Variants in ARMH3 observed in about 807,000 individuals in gnomAD.
ARMH3 encodes armadillo-like helical domain-containing protein 3.
Under a neutral mutation model 99.1 loss-of-function variants are expected in ARMH3, and 60 were observed. The ratio of observed to expected loss-of-function variants is 0.61; its 90% confidence interval spans 0.49 to 0.75. The LOEUF (loss-of-function observed/expected upper bound fraction) is 0.75. Ranked by LOEUF, ARMH3 falls within the 30% of genes least tolerant of loss-of-function variation. ARMH3 has a pLI of 0.00. For synonymous variants in ARMH3, 285 were observed against 292.8 expected (o/e 0.97, Z 0.27); for missense variants, 679 against 843.1 (o/e 0.81, Z 2.41).
At chr10:101,944,524 C>T (rs903370266) in intron 22 of ARMH3, among the ~76,000 whole-genome samples, 4 of 151,760 alleles carry the variant, frequency 2.6e-5, no homozygotes, top group African/African-American at 9.7e-5. Flanking sequence ...ATATTAAAAG[C>T]ATTCAGAGGC....
At chr10:101,990,426 C>T in intron 19 of ARMH3, 125 bp downstream of exon 19, 1 of 639,638 alleles carries the variant, frequency 1.6e-6, no homozygotes, top group East Asian at 2.8e-5. Context: ...CCGCCTCGGC[C>T]TCCCAAGGTG....
chr10:102,039,476 A>G (rs1467814765), intron 2 of ARMH3, among the ~76,000 whole-genome samples: 1 of 152,204 alleles, frequency 6.6e-6, no homozygotes, highest in Non-Finnish European at 1.5e-5. Flanking sequence ...ATAGGCTTGG[A>G]CCAATCAGTT....
At chr10:102,003,143 C>T (rs2066405605) in intron 14 of ARMH3, among the ~76,000 whole-genome samples, 2 of 151,780 alleles carry the variant, frequency 1.3e-5, no homozygotes, top group Admixed American at 1.3e-4. Flanking sequence ...CTCTAATGAC[C>T]AGGGCTGACC....
intron 1 of ARMH3, among the ~76,000 whole-genome samples, chr10:102,041,099 A>ATATATATATATATAT (rs1564878621): frequency 6.8e-6 from 1 of 146,072 alleles, no homozygotes. Context: ...TAATATATAT[A>ATATATATATATATAT]TATATATATA....
chr10:101,980,171 A>G (rs1846164819), intron 19 of ARMH3, among the ~76,000 whole-genome samples: 1 of 152,220 alleles, frequency 6.6e-6, no homozygotes, highest in South Asian at 2.1e-4. Context: ...TCTTGACTGT[A>G]TACCAACTGA....
Position 101,907,266 on chromosome 10 carries a change from GA to G in ARMH3, c.1782-17777del, listed in dbSNP as rs147550463. Among the ~76,000 whole-genome samples, 1,431 of 152,176 alleles carry G rather than the reference GA, an allele frequency of 9.4e-3. 18 individuals are homozygous for G. The highest frequency in any genetic ancestry group is 0.033 in the African/African-American group (1,357 of 41,520). Reference sequence around the variant, plus strand: ...ATGGAAAGGTATTTTTTAAGCAAAAGAAAAGTATTTACTGAGAAGTTATAGT... The same window carrying G: ...ATGGAAAGGTATTTTTTAAGCAAAAGAAAGTATTTACTGAGAAGTTATAGT... On this transcript the variant is annotated intron_variant, in intron 23 of 25. Transcript: ENST00000370033.
intron 24 of ARMH3, among the ~76,000 whole-genome samples, chr10:101,868,231 A>G (rs1037792880): frequency 1.2e-4 from 19 of 152,228 alleles, no homozygotes; most frequent in African/African-American, 4.1e-4. Flanking sequence ...AGTGCCAGAC[A>G]ATAGGAAGAA....
At chr10:101,917,371 T>G (rs1057137898) in intron 23 of ARMH3, among the ~76,000 whole-genome samples, 2 of 152,246 alleles carry the variant, frequency 1.3e-5, no homozygotes, top group African/African-American at 4.8e-5. Context: ...CTTTTGGATC[T>G]GGATAGTTTC....
intron 20 of ARMH3, among the ~76,000 whole-genome samples, chr10:101,970,471 T>G (rs1006091100): frequency 6.6e-6 from 1 of 152,196 alleles, no homozygotes; most frequent in Non-Finnish European, 1.5e-5. Context: ...AATGAAAATC[T>G]TACATATCCA....
intron 10 of ARMH3, among the ~76,000 whole-genome samples, chr10:102,012,114 C>T (rs188063037): frequency 2.2e-4 from 34 of 152,270 alleles, no homozygotes; most frequent in African/African-American, 7.9e-4. Context: ...TTTAGGGCTA[C>T]AACACTGAAA....
intron 19 of ARMH3, among the ~76,000 whole-genome samples, chr10:101,985,454 C>T (rs533977324): frequency 6.6e-6 from 1 of 151,880 alleles, no homozygotes; most frequent in South Asian, 2.1e-4. Flanking sequence ...TGGTTCATGC[C>T]TGTAAATCCC....
At position 102,018,892 on chromosome 10, in the gene ARMH3, G is replaced by A. The variant is rs374494664; in HGVS notation, c.669+4585C>T. 1.4e-4 allele frequency among the ~76,000 whole-genome samples: 21 copies of A among 152,236 alleles called. No individual in the cohort carries two copies. In the East Asian group the frequency reaches 2.7e-3, roughly 20 times the overall value. On this transcript the variant is annotated intron_variant, in intron 8 of 25. Coordinates refer to ENST00000370033, the MANE Select transcript of ARMH3 (RefSeq NM_024541.3). ...GGATCATTAGAGCCCGGGAAACAGA[G>A]GTTGCAGTGAGCCAAGATCATGCCA...
chr10:101,880,090 A>G (rs887383604), intron 24 of ARMH3, among the ~76,000 whole-genome samples: 2 of 152,254 alleles, frequency 1.3e-5, no homozygotes, highest in Non-Finnish European at 2.9e-5. Context: ...TCACATGCTC[A>G]CACTCGAGAA....
intron 2 of ARMH3, among the ~76,000 whole-genome samples, chr10:102,038,228 G>A (rs1169117782): frequency 6.6e-6 from 1 of 150,998 alleles, no homozygotes; most frequent in African/African-American, 2.4e-5. Flanking sequence ...CCAAGTAGCT[G>A]GGACTACAGG....
chr10:101,983,997 A>G (rs1242940019), intron 19 of ARMH3, among the ~76,000 whole-genome samples: 1 of 152,062 alleles, frequency 6.6e-6, no homozygotes, highest in Non-Finnish European at 1.5e-5. Context: ...AACCCATGGG[A>G]TCTGAAACTA....
chr10:102,028,718 T>TA (rs2067056225), intron 5 of ARMH3, among the ~76,000 whole-genome samples: 1 of 152,190 alleles, frequency 6.6e-6, no homozygotes, highest in African/African-American at 2.4e-5. Context: ...AGCAGATTAA[T>TA]GCTTGCCAAG....
At chr10:102,036,784 G>A (rs1021468682) in intron 2 of ARMH3, among the ~76,000 whole-genome samples, 3 of 150,774 alleles carry the variant, frequency 2.0e-5, no homozygotes, top group African/African-American at 7.3e-5. Flanking sequence ...TTGTTCACTT[G>A]TTTATCTGCT....
At chr10:102,026,066 C>T (rs577369664) in intron 5 of ARMH3, among the ~76,000 whole-genome samples, 2 of 152,176 alleles carry the variant, frequency 1.3e-5, no homozygotes, top group Non-Finnish European at 2.9e-5. Context: ...AGCTAACTTG[C>T]GTCCATCCTG....
intron 25 of ARMH3, among the ~76,000 whole-genome samples, chr10:101,849,413 G>A (rs1452592148): frequency 6.6e-6 from 1 of 152,224 alleles, no homozygotes; most frequent in African/African-American, 2.4e-5. Context: ...CCAGCGGCCA[G>A]TTAGGAGTTT....
Sources: allele counts gnomAD v4.1 joint callset (sites outside exome capture counted in the v4.1 genomes callset), GRCh38; gene constraint gnomAD v4.1.1; transcripts MANE v1.5; gene names NCBI Gene and HGNC (gene_info 2026-07-23, HGNC 2026-07-21).